MYO5A: variants seen among roughly 807,000 people sequenced by gnomAD.
The protein encoded by MYO5A is unconventional myosin-Va.
MYO5A carries 98 observed loss-of-function variants against 249.7 expected under a neutral mutation model. The observed-to-expected ratio is 0.39, with a 90% confidence interval of 0.33 to 0.46. MYO5A has a LOEUF of 0.46. Among genes scored for constraint, MYO5A ranks in the 20% least tolerant of loss-of-function variants. The pLI is 0.98. For synonymous variants in MYO5A, 778 were observed against 810.6 expected, an observed-to-expected ratio of 0.96 and a Z score of 0.68; for missense variants, 1,696 against 2,308.8, an observed-to-expected ratio of 0.73 and a Z score of 5.44.
chr15:52,510,202 A>G (rs1226979606), intron 1 of MYO5A, among the ~76,000 whole-genome samples: 1 of 152,190 alleles, frequency 6.6e-6, no homozygotes, highest in Admixed American at 6.5e-5. Flanking sequence ...CGCAATTTCA[A>G]ACTTAGAAAA....
chr15:52,474,724 TC>T (rs2076553459), intron 1 of MYO5A, among the ~76,000 whole-genome samples: 1 of 152,256 alleles, frequency 6.6e-6, no homozygotes, highest in Non-Finnish European at 1.5e-5. Context: ...CAGCCTTGCA[TC>T]CCAGGGATGA....
At chr15:52,424,917 T>C (rs2075361456) in intron 4 of MYO5A, among the ~76,000 whole-genome samples, 1 of 152,214 alleles carries the variant, frequency 6.6e-6, no homozygotes. Flanking sequence ...TTGCAGATGC[T>C]GTTCAGGATA....
intron 28 of MYO5A, 106 bp downstream of exon 28, chr15:52,351,148 T>G: frequency 1.1e-6 from 1 of 871,964 alleles, no homozygotes; most frequent in Admixed American, 2.0e-5. Flanking sequence ...TCAATTAGAT[T>G]AAAAATGCTC....
chr15:52,411,630 T>C (rs1350656568), intron 5 of MYO5A, among the ~76,000 whole-genome samples: 1 of 152,174 alleles, frequency 6.6e-6, no homozygotes. Context: ...TTAATATCTT[T>C]CACTTGTGTA....
chr15:52,452,644 A>G (rs1365601015), intron 1 of MYO5A, among the ~76,000 whole-genome samples: 4 of 152,026 alleles, frequency 2.6e-5, no homozygotes, highest in African/African-American at 7.2e-5. Context: ...CACTGACAGG[A>G]TATTCCCTTT....
intron 36 of MYO5A, chr15:52,323,745 T>A (rs2038443296): frequency 8.6e-6 from 3 of 350,814 alleles, no homozygotes; most frequent in Non-Finnish European, 1.7e-5. Context: ...GGCTCACACC[T>A]GTAATCCCAG....
intron 1 of MYO5A, among the ~76,000 whole-genome samples, chr15:52,506,210 G>A (rs1250205617): frequency 6.6e-6 from 1 of 152,078 alleles, no homozygotes; most frequent in African/African-American, 2.4e-5. Flanking sequence ...AATTAGCCGG[G>A]CATGGTGGCA....
At chr15:52,317,354 ATC>A in intron 39 of MYO5A, 132 bp from the exon 40 acceptor site, 1 of 854,834 alleles carries the variant, frequency 1.2e-6, no homozygotes. Context: ...ATTTTCTTAA[ATC>A]TCATCAGCTG....
chr15:52,346,234 C>A, intron 30 of MYO5A, 127 bp downstream of exon 30: 1 of 673,178 alleles, frequency 1.5e-6, no homozygotes. Flanking sequence ...ACCTTGGATT[C>A]CCTTTGAAGG....
At chr15:52,396,796 T>G (rs1163594206) in intron 10 of MYO5A, among the ~76,000 whole-genome samples, 1 of 152,082 alleles carries the variant, frequency 6.6e-6, no homozygotes, top group Non-Finnish European at 1.5e-5. Flanking sequence ...ACAGGTTCTT[T>G]TGAAAAAGAG....
At chr15:52,427,277 TAAAC>T (rs559913041) in intron 3 of MYO5A, among the ~76,000 whole-genome samples, 5 of 152,140 alleles carry the variant, frequency 3.3e-5, no homozygotes, top group Admixed American at 6.6e-5. Context: ...CTTACAACAG[TAAAC>T]AAACAAACAA....
intron 38 of MYO5A, among the ~76,000 whole-genome samples, chr15:52,320,275 G>C (rs1245585518): frequency 6.6e-6 from 1 of 152,212 alleles, no homozygotes; most frequent in Non-Finnish European, 1.5e-5. Flanking sequence ...AGCCCCTTGA[G>C]AGCAAAGGCC....
chr15:52,373,869 G>C (rs1448323958), intron 20 of MYO5A, among the ~76,000 whole-genome samples: 1 of 152,080 alleles, frequency 6.6e-6, no homozygotes, highest in East Asian at 1.9e-4. Context: ...ATCTGGAGTA[G>C]CTATCTTCAA....
At chr15:52,352,926 T>G (rs2040029369) in intron 27 of MYO5A, among the ~76,000 whole-genome samples, 1 of 152,228 alleles carries the variant, frequency 6.6e-6, no homozygotes. Context: ...TCCCACCAAC[T>G]GGTAATCAGA....
chr15:52,505,957 T>A, intron 1 of MYO5A: 2 of 1,113,962 alleles, frequency 1.8e-6, no homozygotes, highest in Non-Finnish European at 2.5e-6. Context: ...CTCATACCTG[T>A]AATCCCATCA....
intron 20 of MYO5A, among the ~76,000 whole-genome samples, chr15:52,374,907 A>G (rs550203986): frequency 8.0e-4 from 122 of 152,336 alleles, no homozygotes; most frequent in African/African-American, 2.9e-3. Flanking sequence ...TATATAAACA[A>G]AGAGAAAGAA....
chr15:52,484,758 C>G (rs1179378510), intron 1 of MYO5A, among the ~76,000 whole-genome samples: 1 of 152,168 alleles, frequency 6.6e-6, no homozygotes, highest in Non-Finnish European at 1.5e-5. Flanking sequence ...AATTCTCCTG[C>G]CTTAGTCTCC....
At chr15:52,431,231 C>CAAAAAAAAAAGAA in intron 2 of MYO5A, among the ~76,000 whole-genome samples, 1 of 45,844 alleles carries the variant, frequency 2.2e-5, no homozygotes, top group South Asian at 1.3e-3. Flanking sequence ...AATTCCGTCT[C>CAAAAAAAAAAGAA]AAAAAAAAAA....
In MYO5A at chr15:52,360,031, G is replaced by C. The variant is rs191620408; in HGVS notation, c.3360C>G (p.Asn1120Lys). The change falls in exon 25 of 42, where the codon AAC (asparagine) becomes AAG (lysine). Residue 1120 changes from asparagine to lysine, a missense_variant. Physicochemically the swap from Asn to Lys is moderately conservative, Grantham distance 94. Transcript: ENST00000399233. ...HKRTDSTHSS[N>K]ESEYIFSSEI... is the part of the protein sequence containing the mutation. ...CAGAGCTAAAGATATATTCAGACTCGTTGCTGCTGTGGGTGGAGTCTGTTC... is the reference window on the plus strand; with the variant it reads ...CAGAGCTAAAGATATATTCAGACTCCTTGCTGCTGTGGGTGGAGTCTGTTC... 6.2e-7 allele frequency: 1 copy of C among 1,613,742 alleles called. No homozygotes were observed. Among genetic ancestry groups the C allele is most frequent in the Non-Finnish European group, 8.5e-7 (1 of 1,179,798 alleles).
Sources: allele counts gnomAD v4.1 joint callset (sites outside exome capture counted in the v4.1 genomes callset), GRCh38; gene constraint gnomAD v4.1.1; transcripts MANE v1.5; gene names NCBI Gene and HGNC (gene_info 2026-07-23, HGNC 2026-07-21).